The following MDGA2 variants were observed in gnomAD, a reference collection of about 807,000 sequenced individuals.
MDGA2 encodes the protein MAM domain containing glycosylphosphatidylinositol anchor 2.
In MDGA2, 40 loss-of-function variants were observed where a neutral mutation model predicts 117.8. The ratio of observed to expected loss-of-function variants is 0.34; its 90% CI spans 0.26 to 0.44. MDGA2 has a LOEUF of 0.44. Ranked by LOEUF, MDGA2 falls within the 20% of genes least tolerant of loss-of-function variation. MDGA2 has a pLI of 1.00. For missense variants in MDGA2, 1,123 were observed against 1,250.6 expected (o/e 0.90, Z 1.54); for synonymous variants, 452 against 439.0 (o/e 1.03, Z -0.37).
At position 46,884,642 on chromosome 14, in the gene MDGA2, T is replaced by C. The variant is rs1882597972; in HGVS notation, c.2239-2421A>G. Among the ~76,000 whole-genome samples the C allele has an allele frequency of 6.6e-6, 1 of 151,962 alleles. No homozygotes were observed. Among genetic ancestry groups the C allele is most frequent in the South Asian group, 2.1e-4 (1 of 4,818 alleles). On this transcript the variant is annotated intron_variant, in intron 10 of 16. Transcript: ENST00000399232. This position sits in a 1 kb window ranked among gnomAD's most constrained non-coding sequence, Gnocchi z 4.1. The stretch of plus-strand genomic sequence containing the variant: ...GAAGAAAGCCCAAATATAAAATATA[T>C]AGAGTGTCTGCACAGAAGAGAGAAA...
intron 2 of MDGA2, among the ~76,000 whole-genome samples, chr14:47,231,972 T>G (rs960864970): frequency 1.3e-5 from 2 of 152,060 alleles, no homozygotes; most frequent in Non-Finnish European, 2.9e-5. Flanking sequence ...TGGGGGTAGA[T>G]GGATAGGAAA....
At position 47,307,309 on chromosome 14, in the gene MDGA2, T is replaced by C. The variant is rs1430842844; in HGVS notation, c.281-5759A>G. On this transcript the variant is annotated intron_variant, in intron 1 of 16. Transcript: ENST00000399232. ...TTTTTGTGCATACAGTCCTAGTCCA[T>C]ATTACTCCTGTTGTTGACAACTCCA... Among the ~76,000 whole-genome samples, 3 of 152,184 alleles carry C rather than the reference T, an allele frequency of 2.0e-5. No individual in the cohort carries two copies. The East Asian group carries it at 5.8e-4, about 29-fold the overall frequency.
chr14:47,315,555 TTTCCTCC>T (rs1566735214), intron 1 of MDGA2, among the ~76,000 whole-genome samples: 1 of 151,392 alleles, frequency 6.6e-6, no homozygotes, highest in Non-Finnish European at 1.5e-5. Flanking sequence ...GATTTTTGCT[TTTCCTCC>T]TCCCACATTC....
At chr14:47,216,949 T>A (rs886833694) in intron 3 of MDGA2, among the ~76,000 whole-genome samples, 24 of 152,070 alleles carry the variant, frequency 1.6e-4, no homozygotes, top group Admixed American at 1.1e-3. Flanking sequence ...TAGAAGATAC[T>A]GGAGAGGATG....
At chr14:47,405,227 T>C (rs976407566) in intron 1 of MDGA2, among the ~76,000 whole-genome samples, 3 of 152,202 alleles carry the variant, frequency 2.0e-5, no homozygotes, top group Admixed American at 1.3e-4. Flanking sequence ...AACTATAATG[T>C]GCCCTTCATC....
chr14:47,313,540 T>TCCTGCC (rs1457895770), intron 1 of MDGA2, among the ~76,000 whole-genome samples: 1 of 152,106 alleles, frequency 6.6e-6, no homozygotes, highest in African/African-American at 2.4e-5. Flanking sequence ...CAAGCAACTC[T>TCCTGCC]CCTGCCTCTG....
intron 1 of MDGA2, among the ~76,000 whole-genome samples, chr14:47,519,887 G>T (rs141021805): frequency 6.6e-6 from 1 of 152,072 alleles, no homozygotes; most frequent in African/African-American, 2.4e-5. Context: ...ATTACTTCAG[G>T]TAAATAAAGT....
intron 2 of MDGA2, among the ~76,000 whole-genome samples, chr14:47,270,392 C>T (rs1888106726): frequency 6.6e-6 from 1 of 151,950 alleles, no homozygotes; most frequent in South Asian, 2.1e-4. Context: ...AGAAGAGAAG[C>T]GTTAATATTC....
chr14:47,116,924 TA>T (rs35585140), intron 5 of MDGA2, among the ~76,000 whole-genome samples: 46,142 of 145,574 alleles, frequency 0.32, 7,600 homozygotes, highest in African/African-American at 0.43. Context: ...CACATCAAAA[TA>T]AAAAAAAAGG....
intron 1 of MDGA2, among the ~76,000 whole-genome samples, chr14:47,397,646 T>A (rs763996663): frequency 9.9e-5 from 15 of 152,152 alleles, no homozygotes; most frequent in Non-Finnish European, 2.2e-4. Flanking sequence ...AATAGATAAG[T>A]ATCTTTATAA....
chr14:47,329,920 TG>T (rs1890247104), intron 1 of MDGA2, among the ~76,000 whole-genome samples: 2 of 151,876 alleles, frequency 1.3e-5, no homozygotes, highest in African/African-American at 4.8e-5. Context: ...GAATAGAAAG[TG>T]GGGAAAAAAT....
intron 10 of MDGA2, among the ~76,000 whole-genome samples, chr14:46,899,940 A>C (rs1883220722): frequency 6.6e-6 from 1 of 152,138 alleles, no homozygotes; most frequent in Non-Finnish European, 1.5e-5. Context: ...TGTAGGAAAG[A>C]AATGTGTCAA....
At chr14:46,977,146 T>C (rs1248205642) in intron 8 of MDGA2, among the ~76,000 whole-genome samples, 2 of 151,870 alleles carry the variant, frequency 1.3e-5, no homozygotes, top group African/African-American at 2.4e-5. Flanking sequence ...CACATGACTA[T>C]ATGACATATG....
At chr14:47,471,526 TC>T (rs1190508402) in intron 1 of MDGA2, among the ~76,000 whole-genome samples, 1 of 152,138 alleles carries the variant, frequency 6.6e-6, no homozygotes, top group Admixed American at 6.6e-5. Context: ...GACAGCATTT[TC>T]CCCCATTTTT....
chr14:46,912,597 C>A (rs187739536), intron 10 of MDGA2, among the ~76,000 whole-genome samples: 264 of 152,268 alleles, frequency 1.7e-3, no homozygotes, highest in Non-Finnish European at 1.9e-3. Context: ...AATAACTTAA[C>A]CCTCTTTCAC....
At chr14:47,666,762 T>C (rs548222447) in intron 1 of MDGA2, among the ~76,000 whole-genome samples, 38 of 152,176 alleles carry the variant, frequency 2.5e-4, no homozygotes, top group Non-Finnish European at 4.6e-4. Flanking sequence ...GCAATAAATC[T>C]TGCTGTTGCT....
intron 14 of MDGA2, among the ~76,000 whole-genome samples, chr14:46,858,428 CTTTT>C (rs71112466): frequency 1.6e-5 from 2 of 123,828 alleles, no homozygotes; most frequent in Admixed American, 8.2e-5. Context: ...TTCTTTTTTT[CTTTT>C]TTTTTTTTTT....
At chr14:47,580,398 T>C (rs1896208088) in intron 1 of MDGA2, among the ~76,000 whole-genome samples, 1 of 151,980 alleles carries the variant, frequency 6.6e-6, no homozygotes, top group African/African-American at 2.4e-5. Context: ...TCTAATCTCC[T>C]CCTAATGGCT....
At chr14:47,553,692 G>T (rs548457464) in intron 1 of MDGA2, among the ~76,000 whole-genome samples, 65 of 152,032 alleles carry the variant, frequency 4.3e-4, no homozygotes, top group Non-Finnish European at 8.1e-4. Context: ...ATTTATATAT[G>T]TGTGTATGTG....
Sources: allele counts gnomAD v4.1 joint callset (sites outside exome capture counted in the v4.1 genomes callset), GRCh38; gene constraint gnomAD v4.1.1; non-coding constraint Gnocchi (gnomAD v3.1); transcripts MANE v1.5; gene names NCBI Gene and HGNC (gene_info 2026-07-23, HGNC 2026-07-21).